Variants in RAPGEF5 observed in about 807,000 individuals in gnomAD.
The protein encoded by RAPGEF5 is M-Ras-regulated GEF.
Under a neutral mutation model 125.2 loss-of-function variants are expected in RAPGEF5, and 65 were observed. The observed-to-expected ratio is 0.52, with a 90% CI of 0.43 to 0.64. The LOEUF (loss-of-function observed/expected upper bound fraction) is 0.64. Among genes scored for constraint, RAPGEF5 ranks in the 30% least tolerant of loss-of-function variants. The pLI, the probability that RAPGEF5 is intolerant of heterozygous loss-of-function variation, is 0.00. For missense variants in RAPGEF5, 958 were observed against 1,048.1 expected (o/e 0.91, Z 1.19); for synonymous variants, 391 against 385.9 (o/e 1.01, Z -0.16).
chr7:22,272,444 A>C (rs1278184124), intron 6 of RAPGEF5, among the ~76,000 whole-genome samples: 1 of 152,026 alleles, frequency 6.6e-6, no homozygotes, highest in East Asian at 1.9e-4. Context: ...TAGTTACCAA[A>C]GCGTTGTCCT....
At chr7:22,319,875 G>A (rs1203998246) in intron 1 of RAPGEF5, among the ~76,000 whole-genome samples, 1 of 151,786 alleles carries the variant, frequency 6.6e-6, no homozygotes, top group East Asian at 1.9e-4. Context: ...CGTGGGCAGG[G>A]GCATTTTCAC....
At chr7:22,177,613 C>T (rs1466493639) in intron 11 of RAPGEF5, among the ~76,000 whole-genome samples, 1 of 152,220 alleles carries the variant, frequency 6.6e-6, no homozygotes, top group East Asian at 1.9e-4. Context: ...CACCACCCAA[C>T]ATTCCACACC....
intron 9 of RAPGEF5, 28 bp downstream of exon 9, chr7:22,219,838 C>A: frequency 6.4e-7 from 1 of 1,570,998 alleles, no homozygotes; most frequent in Non-Finnish European, 8.7e-7. Context: ...CCCTTCAAAC[C>A]TGCATCCCCA....
At chr7:22,268,726 G>A (rs529475267) in intron 6 of RAPGEF5, among the ~76,000 whole-genome samples, 1 of 152,160 alleles carries the variant, frequency 6.6e-6, no homozygotes, top group African/African-American at 2.4e-5. Context: ...TGCTCACAAC[G>A]GATCGAAACC....
At chr7:22,216,501 T>G (rs905517747) in intron 9 of RAPGEF5, among the ~76,000 whole-genome samples, 6 of 152,210 alleles carry the variant, frequency 3.9e-5, no homozygotes, top group Non-Finnish European at 5.9e-5. Flanking sequence ...TTAGTCATTC[T>G]TCAGGGTCAA....
intron 8 of RAPGEF5, among the ~76,000 whole-genome samples, chr7:22,227,489 T>G (rs1785946821): frequency 6.6e-6 from 1 of 152,124 alleles, no homozygotes; most frequent in African/African-American, 2.4e-5. Flanking sequence ...ATTCACTGAA[T>G]CCAGTGGCCA....
intron 5 of RAPGEF5, among the ~76,000 whole-genome samples, chr7:22,306,037 T>C (rs769817455): frequency 2.0e-5 from 3 of 152,210 alleles, no homozygotes; most frequent in Non-Finnish European, 4.4e-5. Context: ...ATCCTTTTGA[T>C]ATATAATCTT....
intron 9 of RAPGEF5, among the ~76,000 whole-genome samples, chr7:22,212,110 A>C (rs1785522753): frequency 6.6e-6 from 1 of 151,832 alleles, no homozygotes; most frequent in African/African-American, 2.4e-5. Flanking sequence ...AGTAGCTGGG[A>C]CTATAGGCAC....
intron 6 of RAPGEF5, among the ~76,000 whole-genome samples, chr7:22,284,088 T>TATGC (rs1554273153): frequency 2.0e-5 from 3 of 151,334 alleles, no homozygotes; most frequent in African/African-American, 7.3e-5. Flanking sequence ...TGTGTGTGTG[T>TATGC]GCGCGTGCAT....
At chr7:22,235,184 T>C (rs1786157874) in intron 7 of RAPGEF5, among the ~76,000 whole-genome samples, 1 of 152,150 alleles carries the variant, frequency 6.6e-6, no homozygotes, top group Non-Finnish European at 1.5e-5. Flanking sequence ...AGAACTAAAG[T>C]TTTGTCAGTA....
chr7:22,343,186 A>C (rs1454477029), intron 1 of RAPGEF5, among the ~76,000 whole-genome samples: 1 of 152,172 alleles, frequency 6.6e-6, no homozygotes, highest in East Asian at 1.9e-4. Context: ...TTCTGCAGGG[A>C]AACTCCCCTT....
chr7:22,129,870 A>G (rs1336780700), intron 24 of RAPGEF5, among the ~76,000 whole-genome samples: 1 of 151,922 alleles, frequency 6.6e-6, no homozygotes, highest in Non-Finnish European at 1.5e-5. Context: ...AGGGTTGTAT[A>G]AGAGCCAACT....
chr7:22,189,225 G>A (rs1253043327), intron 11 of RAPGEF5, among the ~76,000 whole-genome samples: 1 of 151,902 alleles, frequency 6.6e-6, no homozygotes, highest in Non-Finnish European at 1.5e-5. Context: ...AAGGAAATGG[G>A]AAATAACATA....
At chr7:22,287,856 T>G (rs557361743) in intron 6 of RAPGEF5, among the ~76,000 whole-genome samples, 48 of 152,200 alleles carry the variant, frequency 3.2e-4, no homozygotes, top group African/African-American at 1.1e-3. Flanking sequence ...ACTTAGCAAC[T>G]GTCTAGTCCA....
At chr7:22,257,312 ACAC>A (rs1786786526) in intron 7 of RAPGEF5, among the ~76,000 whole-genome samples, 1 of 152,216 alleles carries the variant, frequency 6.6e-6, no homozygotes, top group Admixed American at 6.5e-5. Context: ...TACATAGAAA[ACAC>A]CATTCTGCAG....
rs1784437692 is a variant in RAPGEF5, at chr7:22,357,112, G to C, written c.-52C>G. The stretch of plus-strand genomic sequence containing the variant: ...GCTCCTCTCCACCGCGCTCGCCTCC[G>C]CGCGCCGTCCGCGCCTTCGCCAGGA... On this transcript the variant is annotated 5_prime_UTR_variant, in exon 1 of 26. Transcript: ENST00000665637. The C allele has an allele frequency of 1.0e-6, 1 of 955,828 alleles. No individual in the cohort carries two copies. 59.2% of individuals were successfully genotyped at this position (955,828 alleles called of 1,614,324 possible).
At chr7:22,159,421 T>C (rs1050533605) in intron 14 of RAPGEF5, among the ~76,000 whole-genome samples, 1 of 152,234 alleles carries the variant, frequency 6.6e-6, no homozygotes, top group Non-Finnish European at 1.5e-5. Flanking sequence ...AATCACAAAT[T>C]AGTAATCTGA....
intron 17 of RAPGEF5, among the ~76,000 whole-genome samples, chr7:22,154,001 T>C (rs10499546): frequency 0.033 from 4,995 of 152,274 alleles, 132 homozygotes; most frequent in Non-Finnish European, 0.05. Context: ...TAAAGGAATA[T>C]TGCCGTGTGA....
chr7:22,354,079 AC>A (rs1399987633), intron 1 of RAPGEF5, among the ~76,000 whole-genome samples: 8 of 151,978 alleles, frequency 5.3e-5, no homozygotes, highest in African/African-American at 1.9e-4. Flanking sequence ...CAGAAAAAAA[AC>A]AAAACAAAAC....
Sources: gnomAD v4.1 joint callset for allele counts (sites outside exome capture counted in the v4.1 genomes callset) on GRCh38, gnomAD v4.1.1 for gene constraint, MANE v1.5 for transcripts, NCBI Gene and HGNC (gene_info 2026-07-23, HGNC 2026-07-21) for gene names.